FILIP1L: variants seen among roughly 807,000 people sequenced by gnomAD.
The protein encoded by FILIP1L is filamin A interacting protein 1 like.
FILIP1L carries 55 observed loss-of-function variants against 96.6 expected under a neutral mutation model. That is an observed-to-expected ratio of 0.57 (90% CI 0.46 to 0.71). The LOEUF (loss-of-function observed/expected upper bound fraction) is 0.71. FILIP1L is among the 30% of genes least tolerant of loss of function. The probability of loss-of-function intolerance (pLI) is 0.00; values close to 1 mark genes in which losing one functional copy is unlikely to be tolerated. For synonymous variants in FILIP1L, 467 were observed against 473.9 expected, an observed-to-expected ratio of 0.99 and a Z score of 0.19; for missense variants, 1,304 against 1,321.2, an observed-to-expected ratio of 0.99 and a Z score of 0.20.
intron 1 of FILIP1L, among the ~76,000 whole-genome samples, chr3:99,975,215 T>G (rs1249034678): frequency 6.6e-6 from 1 of 152,246 alleles, no homozygotes; most frequent in Admixed American, 6.5e-5. Flanking sequence ...GTTCACATAT[T>G]ACTTCATCCT....
intron 5 of FILIP1L, among the ~76,000 whole-genome samples, chr3:99,843,086 G>A (rs1398345391): frequency 6.6e-6 from 1 of 152,204 alleles, no homozygotes; most frequent in Non-Finnish European, 1.5e-5. Flanking sequence ...GAGAACCTTA[G>A]TAAACTACTT....
Position 99,863,314 on chromosome 3 carries a change from C to T in FILIP1L, c.606-12244G>A, listed in dbSNP as rs534020070. Among the ~76,000 whole-genome samples the T allele has an allele frequency of 5.3e-5, 8 of 152,260 alleles. No homozygotes were observed. The East Asian group carries it at 7.7e-4, about 15-fold the overall frequency. On this transcript the variant is annotated intron_variant, in intron 4 of 5. Coordinates refer to ENST00000477258, the MANE Select transcript of FILIP1L (RefSeq NM_001387850.1). Reference sequence around the variant, plus strand: ...TTCAGGCAGTAATGCTGCCTCATCCCGCTGCTCACCTCCTGCTATGTGACC... The same window carrying T: ...TTCAGGCAGTAATGCTGCCTCATCCTGCTGCTCACCTCCTGCTATGTGACC...
chr3:100,012,922 G>A (rs2107200615), intron 1 of FILIP1L, among the ~76,000 whole-genome samples: 1 of 151,860 alleles, frequency 6.6e-6, no homozygotes, highest in Non-Finnish European at 1.5e-5. Context: ...TACAGACTGT[G>A]CCACCACACC....
intron 4 of FILIP1L, among the ~76,000 whole-genome samples, chr3:99,888,590 G>A (rs1705983162): frequency 6.6e-6 from 1 of 152,122 alleles, no homozygotes; most frequent in Non-Finnish European, 1.5e-5. Context: ...ACTGAAAATA[G>A]AGAGAGGCTC....
chr3:100,002,788 A>T (rs1457425555), intron 1 of FILIP1L, among the ~76,000 whole-genome samples: 1 of 152,150 alleles, frequency 6.6e-6, no homozygotes, highest in East Asian at 1.9e-4. Context: ...AGGTGGCTTG[A>T]TCTCTAGTTA....
chr3:99,920,596 G>A (rs1384755408), intron 4 of FILIP1L, among the ~76,000 whole-genome samples: 1 of 152,208 alleles, frequency 6.6e-6, no homozygotes, highest in East Asian at 1.9e-4. Context: ...AAACCGCACA[G>A]ATTACAGCTA....
chr3:100,108,749 G>T (rs541978985), intron 1 of FILIP1L, among the ~76,000 whole-genome samples: 2 of 152,294 alleles, frequency 1.3e-5, no homozygotes, highest in East Asian at 3.9e-4. Context: ...ATGAACAAAT[G>T]TATGCCCCTT....
intron 1 of FILIP1L, among the ~76,000 whole-genome samples, chr3:100,082,185 G>C (rs116524035): frequency 0.017 from 2,604 of 152,160 alleles, 83 homozygotes; most frequent in African/African-American, 0.058. Context: ...AACAAACCAA[G>C]AACATTATTG....
At chr3:99,893,420 C>G (rs1239980506) in intron 4 of FILIP1L, among the ~76,000 whole-genome samples, 1 of 152,120 alleles carries the variant, frequency 6.6e-6, no homozygotes, top group Non-Finnish European at 1.5e-5. Context: ...CTGTCTCGGC[C>G]TCCCAAAGTG....
chr3:99,891,452 A>C (rs1306004040), intron 4 of FILIP1L, among the ~76,000 whole-genome samples: 1 of 152,108 alleles, frequency 6.6e-6, no homozygotes, highest in East Asian at 1.9e-4. Context: ...CTAGGTTTTC[A>C]CTTTTATTCA....
At chr3:99,969,662 C>A (rs541363069) in intron 1 of FILIP1L, among the ~76,000 whole-genome samples, 2 of 152,100 alleles carry the variant, frequency 1.3e-5, no homozygotes, top group South Asian at 4.2e-4. Context: ...GCACGGGGAG[C>A]CTGGAAGGAT....
At chr3:99,888,160 A>G (rs888860974) in intron 4 of FILIP1L, among the ~76,000 whole-genome samples, 1 of 152,212 alleles carries the variant, frequency 6.6e-6, no homozygotes, top group Non-Finnish European at 1.5e-5. Context: ...AAATGGGTCT[A>G]TGAAGTTGTA....
At chr3:99,897,394 T>C (rs1173280357) in intron 4 of FILIP1L, among the ~76,000 whole-genome samples, 1 of 152,024 alleles carries the variant, frequency 6.6e-6, no homozygotes, top group African/African-American at 2.4e-5. Context: ...TTGGCTTACT[T>C]GTTCTATACC....
chr3:100,057,017 T>C (rs887562200), intron 1 of FILIP1L, among the ~76,000 whole-genome samples: 2 of 151,646 alleles, frequency 1.3e-5, no homozygotes, highest in African/African-American at 2.4e-5. Flanking sequence ...AAAAAAAGAA[T>C]TGGGCAAGTG....
intron 4 of FILIP1L, among the ~76,000 whole-genome samples, chr3:99,886,601 A>C (rs535663186): frequency 1.3e-3 from 187 of 148,006 alleles, no homozygotes; most frequent in African/African-American, 4.4e-3. Flanking sequence ...ACAAAGGCCC[A>C]AAAAAAAATT....
chr3:99,948,060 A>G (rs1351720907), intron 1 of FILIP1L, among the ~76,000 whole-genome samples: 2 of 152,252 alleles, frequency 1.3e-5, no homozygotes, highest in African/African-American at 2.4e-5. Context: ...TTCTAAAGCT[A>G]TAACATTCTG....
chr3:100,056,922 T>C (rs994069003), intron 1 of FILIP1L, among the ~76,000 whole-genome samples: 1 of 152,012 alleles, frequency 6.6e-6, no homozygotes, highest in African/African-American at 2.4e-5. Context: ...GAGAATGGCA[T>C]GAACCTGGGA....
At chr3:99,999,442 T>G (rs1211933654) in intron 1 of FILIP1L, among the ~76,000 whole-genome samples, 1 of 152,186 alleles carries the variant, frequency 6.6e-6, no homozygotes, top group Non-Finnish European at 1.5e-5. Context: ...GGGAGGAAAT[T>G]GCAACAACTG....
rs556033598 is a variant in FILIP1L, at chr3:99,953,619, T to C, written c.-10-22589A>G. 2.6e-4 allele frequency among the ~76,000 whole-genome samples: 40 copies of C among 152,334 alleles called. 2 individuals carry two copies. The South Asian group carries it at 8.1e-3, about 31-fold the overall frequency. On this transcript the variant is annotated intron_variant, in intron 1 of 5. Transcript: ENST00000477258. ...CAACCAGTCTTTTCTAAGATGACTT[T>C]GTGAGGGCTGTTCCTATTGTCTTGC...
Sources: gnomAD v4.1 joint callset for allele counts (sites outside exome capture counted in the v4.1 genomes callset) on GRCh38, gnomAD v4.1.1 for gene constraint, MANE v1.5 for transcripts, NCBI Gene and HGNC (gene_info 2026-07-23, HGNC 2026-07-21) for gene names.